The following SCAPER variants were observed in gnomAD, a reference collection of about 807,000 sequenced individuals.
SCAPER encodes S-phase cyclin A associated protein in the ER.
In SCAPER, 98 loss-of-function variants were observed where a neutral mutation model predicts 182.2. The ratio of observed to expected loss-of-function variants is 0.54; its 90% CI spans 0.46 to 0.64. The LOEUF (loss-of-function observed/expected upper bound fraction) is 0.64. Ranked by LOEUF, SCAPER falls within the 30% of genes least tolerant of loss-of-function variation. SCAPER has a pLI of 0.00. For missense variants in SCAPER, 1,432 were observed against 1,690.0 expected, an observed-to-expected ratio of 0.85 and a Z score of 2.68; for synonymous variants, 605 against 564.6, an observed-to-expected ratio of 1.07 and a Z score of -1.01.
chr15:76,887,671 C>T (rs1409833364), intron 1 of SCAPER, among the ~76,000 whole-genome samples: 1 of 152,196 alleles, frequency 6.6e-6, no homozygotes, highest in Non-Finnish European at 1.5e-5. Flanking sequence ...GGCAGAGCCC[C>T]CCAACAGCTC....
intron 17 of SCAPER, among the ~76,000 whole-genome samples, chr15:76,711,906 C>T (rs532845298): frequency 0.016 from 2,441 of 151,990 alleles, 62 homozygotes; most frequent in African/African-American, 0.055. Flanking sequence ...ACTCTGATGG[C>T]AGTTTCTTTT....
rs2049201670 is a variant in SCAPER, at chr15:76,592,565, T to A, written c.2712-18281A>T. 1.6e-5 allele frequency among the ~76,000 whole-genome samples: 2 copies of A among 122,184 alleles called. 1 individual carries two copies. The highest frequency in any genetic ancestry group is 5.1e-4 in the South Asian group (2 of 3,920). The allele number at this position is 122,184 out of a possible 152,430, so 80.2% of individuals were successfully genotyped here. On this transcript the variant is annotated intron_variant, in intron 22 of 31. Transcript: ENST00000563290. ...AAAAGGAACAGCTCCATTCTGCAGCTCCCAGCGAGATCAACGCAGAAGGCA... is the reference window on the plus strand; with the variant it reads ...AAAAGGAACAGCTCCATTCTGCAGCACCCAGCGAGATCAACGCAGAAGGCA...
At chr15:76,396,140 G>A (rs902909899) in intron 27 of SCAPER, among the ~76,000 whole-genome samples, 2 of 152,158 alleles carry the variant, frequency 1.3e-5, no homozygotes, top group Non-Finnish European at 2.9e-5. Flanking sequence ...TGAGTTCACT[G>A]TAGATGAATT....
chr15:76,753,452 TAA>T (rs961465452), intron 15 of SCAPER, among the ~76,000 whole-genome samples: 1 of 151,958 alleles, frequency 6.6e-6, no homozygotes, highest in African/African-American at 2.4e-5. Context: ...AGTAATTAGA[TAA>T]TAGAGTTGAA....
chr15:76,733,253 C>T lies in SCAPER; in HGVS notation c.1998G>A (p.Lys666=), dbSNP rs747023281. The stretch of plus-strand genomic sequence containing the variant: ...CCTGCACAGCTTCATCACGTGCTTG[C>T]TTTTCTTCCTGTCTTCTCTGACGCT... ...QEERQRRQEE[K]QARDEAVQER... The change falls in exon 16 of 32, where the codon AAG becomes AAA. Residue 666 remains lysine, a synonymous_variant. Transcript: ENST00000563290. The T allele has an allele frequency of 1.3e-5, 20 of 1,587,010 alleles. No individual in the cohort carries two copies. The highest frequency in any genetic ancestry group is 1.7e-5 in the Non-Finnish European group (20 of 1,165,832).
chr15:76,705,949 G>A lies in SCAPER; in HGVS notation c.2201C>T (p.Ala734Val). 6.4e-7 allele frequency: 1 copy of A among 1,564,380 alleles called. No individual in the cohort carries two copies. Among genetic ancestry groups the A allele is most frequent in the Non-Finnish European group, 8.6e-7 (1 of 1,156,290 alleles). The change falls in exon 18 of 32, where the codon GCT becomes GTT. Residue 734 changes from alanine (A) to valine (V), a missense_variant. This residue lies in a region of SCAPER where 718 missense variants were observed against 799.7 expected (regional missense o/e 0.90). Transcript: ENST00000563290. ...TAACTCTTCCATAGCTTCTTGTTGAGCAGCTGTGAGTGCTGCCAATCGTTC... is the reference window on the plus strand; with the variant it reads ...TAACTCTTCCATAGCTTCTTGTTGAACAGCTGTGAGTGCTGCCAATCGTTC... ...REERLAALTA[A>V]QQEAMEELQK...
intron 2 of SCAPER, among the ~76,000 whole-genome samples, chr15:76,882,854 C>T (rs1192000973): frequency 1.3e-5 from 2 of 152,084 alleles, no homozygotes; most frequent in South Asian, 2.1e-4. Flanking sequence ...TTAGCAGAGA[C>T]GGGGTTTCAC....
At chr15:76,500,936 G>C (rs12902414) in intron 24 of SCAPER, among the ~76,000 whole-genome samples, 57,615 of 151,424 alleles carry the variant, frequency 0.38, 13,004 homozygotes, top group Middle Eastern at 0.53. Flanking sequence ...CCAGTTACTC[G>C]GGAGGCTGAG....
intron 2 of SCAPER, among the ~76,000 whole-genome samples, chr15:76,871,957 C>A (rs945845203): frequency 3.3e-5 from 5 of 151,444 alleles, no homozygotes; most frequent in African/African-American, 9.7e-5. Flanking sequence ...ATAAGATATA[C>A]CTTTTCATTA....
intron 27 of SCAPER, among the ~76,000 whole-genome samples, chr15:76,390,234 C>T (rs911631459): frequency 1.2e-4 from 19 of 152,156 alleles, no homozygotes; most frequent in Non-Finnish European, 1.3e-4. Context: ...GGATTGCAGC[C>T]GTGAGCCACT....
At chr15:76,823,619 C>T (rs1343280900) in intron 5 of SCAPER, among the ~76,000 whole-genome samples, 1 of 151,854 alleles carries the variant, frequency 6.6e-6, no homozygotes, top group African/African-American at 2.4e-5. Flanking sequence ...CCACCCTTAC[C>T]TTAGTCATAA....
At chr15:76,697,727 G>A (rs1377567871) in intron 20 of SCAPER, among the ~76,000 whole-genome samples, 1 of 151,944 alleles carries the variant, frequency 6.6e-6, no homozygotes, top group African/African-American at 2.4e-5. Flanking sequence ...GCAACCTCCG[G>A]CTTCTGTGTT....
intron 5 of SCAPER, among the ~76,000 whole-genome samples, chr15:76,819,911 AT>A (rs1310254928): frequency 6.6e-6 from 1 of 152,232 alleles, no homozygotes; most frequent in Non-Finnish European, 1.5e-5. Flanking sequence ...AAACAACCCC[AT>A]CAAAAAGTGG....
intron 23 of SCAPER, among the ~76,000 whole-genome samples, chr15:76,532,858 G>A (rs2043795142): frequency 6.6e-6 from 1 of 152,124 alleles, no homozygotes; most frequent in Non-Finnish European, 1.5e-5. Context: ...GGAAGTGAGA[G>A]TAACAGCAAG....
intron 24 of SCAPER, among the ~76,000 whole-genome samples, chr15:76,486,131 C>T (rs929967253): frequency 1.3e-5 from 2 of 151,770 alleles, no homozygotes; most frequent in Non-Finnish European, 2.9e-5. Context: ...GGCATGAACC[C>T]GGGAGGCAGA....
intron 26 of SCAPER, among the ~76,000 whole-genome samples, chr15:76,429,252 T>C (rs2046690124): frequency 1.3e-5 from 2 of 152,118 alleles, no homozygotes; most frequent in African/African-American, 4.8e-5. Flanking sequence ...TATGTCTTTA[T>C]CAGCAGTGTG....
At chr15:76,355,115 A>C (rs1269701388) in intron 29 of SCAPER, among the ~76,000 whole-genome samples, 1 of 152,258 alleles carries the variant, frequency 6.6e-6, no homozygotes, top group Non-Finnish European at 1.5e-5. Context: ...GGAAAGAATG[A>C]AACAGCAGAG....
chr15:76,392,568 T>TACAC lies in SCAPER; in HGVS notation c.3468-10957_3468-10954dup, dbSNP rs5813838. On this transcript the variant is annotated intron_variant, in intron 27 of 31. Transcript: ENST00000563290. ...CTGGGCAACATAGGGAGAGCTCGTC[T>TACAC]ACACACACACACACACAAAGCAAAA... 7.0e-3 allele frequency among the ~76,000 whole-genome samples: 1,051 copies of TACAC among 150,248 alleles called. 8 individuals are homozygous for TACAC. The highest frequency in any genetic ancestry group is 0.012 in the African/African-American group (493 of 41,202).
intron 25 of SCAPER, among the ~76,000 whole-genome samples, chr15:76,469,833 T>G (rs1328700169): frequency 6.6e-6 from 1 of 152,178 alleles, no homozygotes; most frequent in African/African-American, 2.4e-5. Flanking sequence ...GCCTGGGATA[T>G]AGGGCCATAC....
Sources: allele counts gnomAD v4.1 joint callset (sites outside exome capture counted in the v4.1 genomes callset), GRCh38; gene constraint gnomAD v4.1.1; regional missense constraint gnomAD v4.1.1; transcripts MANE v1.5; gene names NCBI Gene and HGNC (gene_info 2026-07-23, HGNC 2026-07-21).